The following CDH12 variants were observed in gnomAD, a reference collection of about 807,000 sequenced individuals.
The protein encoded by CDH12 is cadherin-12.
In CDH12, 41 loss-of-function variants were observed where a neutral mutation model predicts 74.1. That is an observed-to-expected ratio of 0.55 (90% CI 0.43 to 0.72). The LOEUF (loss-of-function observed/expected upper bound fraction) is 0.72, where lower values mean the gene tolerates loss of function less well. Ranked by LOEUF, CDH12 falls within the 30% of genes least tolerant of loss-of-function variation. The pLI is 0.00. For synonymous variants in CDH12, 399 were observed against 355.0 expected, an observed-to-expected ratio of 1.12 and a Z score of -1.39; for missense variants, 945 against 977.2, an observed-to-expected ratio of 0.97 and a Z score of 0.44.
At chr5:22,491,983 C>A (rs1267347761) in intron 2 of CDH12, among the ~76,000 whole-genome samples, 2 of 152,076 alleles carry the variant, frequency 1.3e-5, no homozygotes, top group East Asian at 3.9e-4. Context: ...ACTATAACGA[C>A]CTCATTTTCA....
intron 1 of CDH12, among the ~76,000 whole-genome samples, chr5:22,818,376 T>A (rs578085432): frequency 5.9e-5 from 9 of 152,256 alleles, no homozygotes; most frequent in Admixed American, 2.6e-4. Flanking sequence ...CAGCTTTCCC[T>A]CCACCCACTA....
In CDH12 at chr5:22,669,854, C is replaced by G. The variant is rs548940752; in HGVS notation, c.-522-164490G>C. Reference sequence around the variant, plus strand: ...ATGTTATGAGCAGCTGAGCTTATTTCTAACTTTCAGTAATTATGCTATGGC... The same window carrying G: ...ATGTTATGAGCAGCTGAGCTTATTTGTAACTTTCAGTAATTATGCTATGGC... On this transcript the variant is annotated intron_variant, in intron 1 of 14. Coordinates refer to ENST00000382254, the MANE Select transcript of CDH12 (RefSeq NM_004061.5). Among the ~76,000 whole-genome samples, 9 of 152,226 alleles carry G rather than the reference C, an allele frequency of 5.9e-5. No individual in the cohort carries two copies. The South Asian group carries it at 1.9e-3, about 32-fold the overall frequency.
chr5:22,426,991 C>T lies in CDH12; in HGVS notation c.-427-21640G>A, dbSNP rs180847118. On this transcript the variant is annotated intron_variant, in intron 2 of 14. Transcript: ENST00000382254. Reference sequence around the variant, plus strand: ...CTACCCTCTATCTCTTTTTCTCTTCCACACCCCTCTCCCATTTATCTTTTC... The same window carrying T: ...CTACCCTCTATCTCTTTTTCTCTTCTACACCCCTCTCCCATTTATCTTTTC... Among the ~76,000 whole-genome samples the T allele has an allele frequency of 3.6e-3, 547 of 152,062 alleles. 4 individuals carry two copies. Among genetic ancestry groups the T allele is most frequent in the Non-Finnish European group, 5.0e-3 (340 of 67,964 alleles).
At chr5:21,954,402 G>GT (rs1208176352) in intron 6 of CDH12, among the ~76,000 whole-genome samples, 1 of 151,920 alleles carries the variant, frequency 6.6e-6, no homozygotes, top group African/African-American at 2.4e-5. Context: ...ACACTTGCAT[G>GT]TGAGAGCTTC....
intron 1 of CDH12, among the ~76,000 whole-genome samples, chr5:22,527,100 T>A (rs1275714897): frequency 6.6e-6 from 1 of 152,108 alleles, no homozygotes; most frequent in East Asian, 1.9e-4. Flanking sequence ...GTGTCAAAAG[T>A]CCCCAAAAGT....
intron 2 of CDH12, among the ~76,000 whole-genome samples, chr5:22,504,877 C>T (rs927740964): frequency 7.9e-5 from 12 of 151,682 alleles, no homozygotes; most frequent in African/African-American, 2.9e-4. Context: ...AAAATAATAC[C>T]CGCTAATTAT....
Position 22,183,833 on chromosome 5 carries a change from A to G in CDH12, c.-187+28665T>C, listed in dbSNP as rs1374001063. Among the ~76,000 whole-genome samples the G allele has an allele frequency of 2.0e-5, 3 of 152,176 alleles. No individual in the cohort carries two copies. The East Asian group carries it at 5.8e-4, about 29-fold the overall frequency. ...ATAAGGCATTCTGCAAAGTCATTAA[A>G]CTGAAAGGATAAAGAAAGCAGTGAT... On this transcript the variant is annotated intron_variant, in intron 4 of 14. Coordinates refer to ENST00000382254, the MANE Select transcript of CDH12 (RefSeq NM_004061.5).
intron 3 of CDH12, among the ~76,000 whole-genome samples, chr5:22,244,190 A>G (rs1490254699): frequency 6.6e-6 from 1 of 152,100 alleles, no homozygotes; most frequent in African/African-American, 2.4e-5. Context: ...AACAAACCAT[A>G]GAAAATAATC....
intron 3 of CDH12, among the ~76,000 whole-genome samples, chr5:22,308,160 G>A (rs551734776): frequency 3.5e-4 from 54 of 152,132 alleles, no homozygotes; most frequent in Non-Finnish European, 5.3e-4. Context: ...GATTACAGGC[G>A]TGAGCCCCCC....
At chr5:21,946,626 T>G (rs1755590707) in intron 6 of CDH12, among the ~76,000 whole-genome samples, 2 of 152,228 alleles carry the variant, frequency 1.3e-5, no homozygotes, top group Admixed American at 1.3e-4. Context: ...TGTACAATCA[T>G]GCACTGCATA....
At chr5:22,590,567 C>T (rs1279149911) in intron 1 of CDH12, among the ~76,000 whole-genome samples, 5 of 151,914 alleles carry the variant, frequency 3.3e-5, no homozygotes, top group African/African-American at 1.2e-4. Context: ...TTAAGAAATC[C>T]AACATAAACA....
chr5:22,743,448 G>T (rs1207356822), intron 1 of CDH12, among the ~76,000 whole-genome samples: 2 of 151,816 alleles, frequency 1.3e-5, no homozygotes, highest in African/African-American at 2.4e-5. Context: ...GAAGAAAAAT[G>T]ATGACATGGA....
intron 1 of CDH12, among the ~76,000 whole-genome samples, chr5:22,511,009 C>T (rs1736584536): frequency 6.6e-6 from 1 of 151,996 alleles, no homozygotes; most frequent in African/African-American, 2.4e-5. Flanking sequence ...ATTCTCCTGC[C>T]TCAGCCTCCT....
At chr5:22,677,187 A>G (rs1741239502) in intron 1 of CDH12, among the ~76,000 whole-genome samples, 1 of 152,120 alleles carries the variant, frequency 6.6e-6, no homozygotes, top group Non-Finnish European at 1.5e-5. Flanking sequence ...ACCCCTAATC[A>G]TAAATGCCTG....
intron 6 of CDH12, among the ~76,000 whole-genome samples, chr5:21,911,303 A>G (rs1460868520): frequency 6.6e-6 from 1 of 152,178 alleles, no homozygotes; most frequent in Non-Finnish European, 1.5e-5. Context: ...TTCTCAGACT[A>G]TAAATTAGAA....
At chr5:22,286,079 C>A (rs1737121445) in intron 3 of CDH12, among the ~76,000 whole-genome samples, 1 of 152,012 alleles carries the variant, frequency 6.6e-6, no homozygotes, top group African/African-American at 2.4e-5. Context: ...TTTTAATATA[C>A]TTTGATAGTA....
intron 2 of CDH12, among the ~76,000 whole-genome samples, chr5:22,452,880 C>CAAAAAAAAAAAAAAAAAA (rs768945480): frequency 3.4e-4 from 11 of 32,206 alleles, no homozygotes; most frequent in African/African-American, 5.8e-4. Context: ...AACCTAAGAG[C>CAAAAAAAAAAAAAAAAAA]AAAAAAAAAA....
At chr5:21,818,537 C>A (rs10060757) in intron 8 of CDH12, among the ~76,000 whole-genome samples, 36,699 of 151,642 alleles carry the variant, frequency 0.24, 5,035 homozygotes, top group East Asian at 0.4. Context: ...CCTCCTTCCC[C>A]CAGAAAATGG....
At chr5:22,483,096 A>AT (rs1337357309) in intron 2 of CDH12, among the ~76,000 whole-genome samples, 2 of 152,076 alleles carry the variant, frequency 1.3e-5, no homozygotes, top group Non-Finnish European at 2.9e-5. Flanking sequence ...AGATATACAG[A>AT]TTTTTTTAAT....
Sources: gnomAD v4.1 joint callset for allele counts (sites outside exome capture counted in the v4.1 genomes callset) on GRCh38, gnomAD v4.1.1 for gene constraint, MANE v1.5 for transcripts, NCBI Gene and HGNC (gene_info 2026-07-23, HGNC 2026-07-21) for gene names.